The following RSRC2 variants were observed in gnomAD, a reference collection of about 807,000 sequenced individuals.
RSRC2 encodes arginine and serine rich coiled-coil 2.
Under a neutral mutation model 61.3 loss-of-function variants are expected in RSRC2, and 5 were observed. The ratio of observed to expected loss-of-function variants is 0.08; its 90% confidence interval spans 0.04 to 0.17. The LOEUF (loss-of-function observed/expected upper bound fraction) is 0.17, where lower values mean the gene tolerates loss of function less well. Ranked by LOEUF, RSRC2 falls within the 10% of genes least tolerant of loss-of-function variation. The pLI, the probability that RSRC2 is intolerant of heterozygous loss-of-function variation, is 1.00. For missense variants in RSRC2, 381 were observed against 518.8 expected (o/e 0.73, Z 2.58); for synonymous variants, 202 against 166.5 (o/e 1.21, Z -1.64).
At chr12:122,508,173 A>C in intron 8 of RSRC2, 45 bp downstream of exon 8, 1 of 1,535,002 alleles carries the variant, frequency 6.5e-7, no homozygotes, top group Middle Eastern at 1.7e-4. Context: ...CTAAGCAATT[A>C]CTAATTAGGA....
chr12:122,505,420 G>C lies in RSRC2; in HGVS notation c.*107C>G. The C allele has an allele frequency of 1.0e-6, 1 of 996,728 alleles. No homozygotes were observed. Among genetic ancestry groups the C allele is most frequent in the South Asian group, 1.8e-5 (1 of 56,958 alleles). The allele number at this position is 996,728 out of a possible 1,614,324, so 61.7% of individuals were successfully genotyped here. A position where few individuals can be genotyped will look rare whatever the true frequency, so the allele number is the denominator to read the frequency against. On this transcript the variant is annotated 3_prime_UTR_variant, in exon 10 of 10. Coordinates refer to ENST00000331738, the MANE Select transcript of RSRC2 (RefSeq NM_023012.6). ...AATTTGTATTTTTCAATAAATTAAAGTCAATGCAACACCCATGCAAGCTAG... is the reference window on the plus strand; with the variant it reads ...AATTTGTATTTTTCAATAAATTAAACTCAATGCAACACCCATGCAAGCTAG...
At position 122,526,895 on chromosome 12, in the gene RSRC2, G is replaced by A. The variant is rs191414127; in HGVS notation, c.-42C>T. On this transcript the variant is annotated 5_prime_UTR_variant, in exon 1 of 10. Transcript: ENST00000331738. The stretch of plus-strand genomic sequence containing the variant: ...CGCTAGAGCGGCGCCTCCACTTGTC[G>A]CTTTCAACAGTACCGGCCGCTCCGA... 1.3e-5 allele frequency: 21 copies of A among 1,612,544 alleles called. No homozygotes were observed. The African/African-American group carries it at 1.7e-4, about 13-fold the overall frequency.
At chr12:122,513,433 G>A (rs898123373) in intron 6 of RSRC2, among the ~76,000 whole-genome samples, 4 of 151,578 alleles carry the variant, frequency 2.6e-5, no homozygotes, top group African/African-American at 9.7e-5. Flanking sequence ...TGAAATTAAA[G>A]AACTACATTT....
At chr12:122,514,427 G>A (rs1196504323) in intron 6 of RSRC2, among the ~76,000 whole-genome samples, 1 of 151,778 alleles carries the variant, frequency 6.6e-6, no homozygotes, top group Non-Finnish European at 1.5e-5. Flanking sequence ...ACCACGCCCA[G>A]CTAATTTTTG....
At chr12:122,511,688 C>A (rs1448425906) in intron 6 of RSRC2, among the ~76,000 whole-genome samples, 4 of 152,188 alleles carry the variant, frequency 2.6e-5, no homozygotes, top group Admixed American at 1.3e-4. Flanking sequence ...CCTTGCCATT[C>A]TCTGTAATCT....
rs557692852 is a variant in RSRC2, at chr12:122,526,554, G to A, written c.6+294C>T. On this transcript the variant is annotated intron_variant, in intron 1 of 9. Transcript: ENST00000331738. ...AAACTTAGAATAAATCACTAGCCAG[G>A]GTGAATAAGCGAAAATGGAGGAAGT... Among the ~76,000 whole-genome samples, 7 of 152,244 alleles carry A rather than the reference G, an allele frequency of 4.6e-5. No homozygotes were observed. In the East Asian group the frequency reaches 5.8e-4, roughly 13 times the overall value.
chr12:122,513,398 C>T (rs1368530563), intron 6 of RSRC2, among the ~76,000 whole-genome samples: 5 of 151,770 alleles, frequency 3.3e-5, no homozygotes, highest in African/African-American at 4.8e-5. Flanking sequence ...CTCCAGATTT[C>T]AAGGTAGTAA....
intron 6 of RSRC2, among the ~76,000 whole-genome samples, chr12:122,513,616 A>G (rs1392956330): frequency 6.6e-6 from 1 of 152,232 alleles, no homozygotes; most frequent in Non-Finnish European, 1.5e-5. Flanking sequence ...ACAATCTAGC[A>G]TATACTAAAT....
intron 9 of RSRC2, 114 bp from the exon 10 acceptor site, chr12:122,505,820 C>T (rs1958078472): frequency 4.5e-6 from 4 of 897,734 alleles, no homozygotes; most frequent in South Asian, 3.6e-5. Context: ...GCTCTGTTGT[C>T]CCGTCTGGAG....
rs550892790 is a variant in RSRC2, at chr12:122,522,649, G to A, written c.7-350C>T. On this transcript the variant is annotated intron_variant, in intron 1 of 9. Transcript: ENST00000331738. ...AATAGTCCTTTTTAGATGTGTGAAT[G>A]CATTTAGCTGACTTTACCAATACTT... 9.0e-5 allele frequency: 15 copies of A among 166,616 alleles called. No individual in the cohort carries two copies. The South Asian group carries it at 2.9e-3, about 32-fold the overall frequency. 10.3% of individuals were successfully genotyped at this position (166,616 alleles called of 1,614,324 possible).
intron 9 of RSRC2, 85 bp from the exon 10 acceptor site, chr12:122,505,791 T>G: frequency 8.2e-7 from 1 of 1,216,226 alleles, no homozygotes; most frequent in East Asian, 2.4e-5. Flanking sequence ...TGTATTTTTT[T>G]TTTTTGAGAT....
intron 7 of RSRC2, among the ~76,000 whole-genome samples, chr12:122,509,167 G>C (rs1386217322): frequency 6.6e-6 from 1 of 150,470 alleles, no homozygotes; most frequent in African/African-American, 2.4e-5. Flanking sequence ...ATGCAGCTAA[G>C]GCTGGGCGCA....
intron 1 of RSRC2, chr12:122,523,180 A>C (rs905994011): frequency 2.0e-5 from 3 of 152,262 alleles, no homozygotes; most frequent in Admixed American, 2.0e-4. Flanking sequence ...TTAATAAATA[A>C]CTTCAGTAAA....
intron 7 of RSRC2, among the ~76,000 whole-genome samples, chr12:122,510,706 TTTTC>T (rs1221970181): frequency 6.6e-6 from 1 of 151,312 alleles, no homozygotes; most frequent in Non-Finnish European, 1.5e-5. Flanking sequence ...TCATAGGTGA[TTTTC>T]TTCCTATTAT....
At chr12:122,514,359 G>A (rs1958754549) in intron 6 of RSRC2, among the ~76,000 whole-genome samples, 1 of 150,918 alleles carries the variant, frequency 6.6e-6, no homozygotes, top group Admixed American at 6.6e-5. Context: ...CTGCCTCATG[G>A]GTTCAAGCGA....
rs1337621351 is a variant in RSRC2 at position 122,504,069 on chromosome 12, A to C, written c.*1458T>G. 1 of 151,768 alleles carries C rather than the reference A, an allele frequency of 6.6e-6. No homozygotes were observed. The highest frequency in any genetic ancestry group is 1.9e-4 in the East Asian group (1 of 5,168). The allele number at this position is 151,768 out of a possible 1,614,324, so 9.4% of individuals were successfully genotyped here. On this transcript the variant is annotated 3_prime_UTR_variant, in exon 10 of 10. Transcript: ENST00000331738. The stretch of plus-strand genomic sequence containing the variant: ...GACAGAAAGCAAAAAAAAAGAAAAC[A>C]CCCCATTACTTCATTTTCATGTATA...
intron 1 of RSRC2, among the ~76,000 whole-genome samples, chr12:122,525,560 AG>A (rs1292327499): frequency 5.9e-5 from 9 of 152,350 alleles, no homozygotes; most frequent in Non-Finnish European, 1.0e-4. Context: ...TCCAATCGTT[AG>A]GAAGAGCAAA....
intron 1 of RSRC2, 92 bp downstream of exon 1, chr12:122,526,756 A>ACC (rs1960579202): frequency 1.4e-6 from 2 of 1,458,776 alleles, no homozygotes; most frequent in Non-Finnish European, 1.9e-6. Context: ...GTCTACACAC[A>ACC]TACACACGAA....
intron 6 of RSRC2, among the ~76,000 whole-genome samples, chr12:122,514,330 T>A (rs1432968871): frequency 6.7e-6 from 1 of 150,010 alleles, no homozygotes; most frequent in African/African-American, 2.4e-5. Flanking sequence ...AGTGGTGCGA[T>A]CTTGGCTTAC....
Sources: allele counts gnomAD v4.1 joint callset (sites outside exome capture counted in the v4.1 genomes callset), GRCh38; gene constraint gnomAD v4.1.1; transcripts MANE v1.5; gene names NCBI Gene and HGNC (gene_info 2026-07-23, HGNC 2026-07-21).